Variants in PROM2 observed in about 807,000 individuals in gnomAD.
The protein encoded by PROM2 is prominin-2.
Under a neutral mutation model 110.2 loss-of-function variants are expected in PROM2, and 90 were observed. The observed-to-expected ratio is 0.82, with a 90% CI of 0.69 to 0.97. The LOEUF (loss-of-function observed/expected upper bound fraction) is 0.97. PROM2 is among the 50% of genes least tolerant of loss of function. The pLI is 0.00. For missense variants in PROM2, 1,009 were observed against 1,074.8 expected (o/e 0.94, Z 0.86); for synonymous variants, 470 against 467.8 (o/e 1.00, Z -0.06).
intron 22 of PROM2, 54 bp downstream of exon 22, chr2:95,288,643 C>A (rs1054279958): frequency 1.3e-6 from 2 of 1,487,154 alleles, no homozygotes; most frequent in African/African-American, 1.4e-5. Context: ...GGTGTCCTTT[C>A]AGCCGCCAGG....
chr2:95,281,394 C>T (rs1403593338), intron 12 of PROM2, 29 bp downstream of exon 12: 9 of 1,356,688 alleles, frequency 6.6e-6, no homozygotes, highest in East Asian at 4.2e-5. Context: ...ACAGGCCCTC[C>T]TGGGGAGAGA....
intron 10 of PROM2, 61 bp from the exon 11 acceptor site, chr2:95,279,784 C>A: frequency 7.4e-7 from 1 of 1,348,900 alleles, no homozygotes; most frequent in Non-Finnish European, 9.6e-7. Context: ...CGTCCCGCAC[C>A]TGTCCATGTT....
At chr2:95,288,011 G>A (rs1167364695) in intron 20 of PROM2, among the ~76,000 whole-genome samples, 200 bp from the exon 21 acceptor site, 3 of 152,176 alleles carry the variant, frequency 2.0e-5, no homozygotes, top group Non-Finnish European at 4.4e-5. Flanking sequence ...GAAAGGGGAG[G>A]GGCCCAGCGA....
Position 95,290,370 on chromosome 2 carries a change from A to G in PROM2, c.*1157A>G, listed in dbSNP as rs1321044735. Reference sequence around the variant, plus strand: ...GGTTTCCTAGGCTGGGACCCTGTACATAGTTGGTGTTTAATGAGTGTTTAT... The same window carrying G: ...GGTTTCCTAGGCTGGGACCCTGTACGTAGTTGGTGTTTAATGAGTGTTTAT... On this transcript the variant is annotated 3_prime_UTR_variant, in exon 24 of 24. Coordinates refer to ENST00000317620, the MANE Select transcript of PROM2 (RefSeq NM_001165978.3). The G allele has an allele frequency of 6.6e-6, 1 of 152,180 alleles. No homozygotes were observed. The highest frequency in any genetic ancestry group is 1.5e-5 in the Non-Finnish European group (1 of 68,042). The allele number at this position is 152,180 out of a possible 1,614,324, so 9.4% of individuals were successfully genotyped here. A position where few individuals can be genotyped will look rare whatever the true frequency, so the allele number is the denominator to read the frequency against.
chr2:95,276,325 G>A lies in PROM2; in HGVS notation c.596G>A (p.Gly199Asp). ...AMPETLLSLW[G>D]LVSDVPQELQ... ...CCTGAGACCCTGCTCAGCCTCTGGG[G>A]CCTGGTCTCTGATGTCCCCCAAGTG... Residue 199 changes from glycine to aspartate, a missense_variant, in exon 4 of 24, where the codon GGC becomes GAC. Transcript: ENST00000317620. The surrounding 1 kb of genome is among the most constrained non-coding windows in gnomAD (Gnocchi z 4.6). The A allele has an allele frequency of 1.9e-6, 3 of 1,613,702 alleles. No individual in the cohort carries two copies. The highest frequency in any genetic ancestry group is 2.5e-6 in the Non-Finnish European group (3 of 1,180,028).
At position 95,276,186 on chromosome 2, in the gene PROM2, C is replaced by G; in HGVS notation, c.498-41C>G. The G allele has an allele frequency of 6.2e-7, 1 of 1,613,444 alleles. No homozygotes were observed. The highest frequency in any genetic ancestry group is 2.2e-5 in the East Asian group (1 of 44,876). Reference sequence around the variant, plus strand: ...GCGGGCTGTGGCCCCCAGGCTCCCTCTTACCCAGCAAGCACCTTCCTCCTC... The same window carrying G: ...GCGGGCTGTGGCCCCCAGGCTCCCTGTTACCCAGCAAGCACCTTCCTCCTC... On this transcript the variant is annotated intron_variant, in intron 3 of 23. Coordinates refer to ENST00000317620, the MANE Select transcript of PROM2 (RefSeq NM_001165978.3). This position sits in a 1 kb window ranked among gnomAD's most constrained non-coding sequence, Gnocchi z 4.6.
At position 95,279,804 on chromosome 2, in the gene PROM2, C is replaced by G; in HGVS notation, c.1275-41C>G. 4.4e-6 allele frequency: 6 copies of G among 1,378,216 alleles called. No individual in the cohort carries two copies. In the South Asian group the frequency reaches 1.2e-4, roughly 28 times the overall value. The allele number at this position is 1,378,216 out of a possible 1,614,324, so 85.4% of individuals were successfully genotyped here. A position where few individuals can be genotyped will look rare whatever the true frequency, so the allele number is the denominator to read the frequency against. On this transcript the variant is annotated intron_variant, in intron 10 of 23. Coordinates refer to ENST00000317620, the MANE Select transcript of PROM2 (RefSeq NM_001165978.3). ...CGCACCTGTCCATGTTGGTGCCAGC[C>G]ACCTCCTTTCTTAGTGACACCCATG... is the stretch of plus-strand genomic sequence containing the variant.
intron 14 of PROM2, 112 bp from the exon 15 acceptor site, chr2:95,284,857 G>T: frequency 8.2e-7 from 1 of 1,221,820 alleles, no homozygotes; most frequent in Non-Finnish European, 1.1e-6. Flanking sequence ...GAAATTTGGA[G>T]GGGACAAATA....
intron 11 of PROM2, 114 bp downstream of exon 11, chr2:95,280,111 A>G: frequency 9.2e-7 from 1 of 1,087,350 alleles, no homozygotes; most frequent in South Asian, 3.1e-5. Flanking sequence ...TCATCTGAAT[A>G]AAGGGGTTGA....
In PROM2 at chr2:95,276,307, C is replaced by A. The variant is rs369779960; in HGVS notation, c.578C>A (p.Thr193Asn). 34 of 1,613,688 alleles carry A rather than the reference C, an allele frequency of 2.1e-5. No homozygotes were observed. Among genetic ancestry groups the A allele is most frequent in the Non-Finnish European group, 2.5e-5 (30 of 1,180,046 alleles). ...CCCAGCATCGAGGCCATGCCTGAGA[C>A]CCTGCTCAGCCTCTGGGGCCTGGTC... ...MGPSIEAMPE[T>N]LLSLWGLVSD... Residue 193 changes from threonine (T) to asparagine (N), a missense_variant, in exon 4 of 24, where the codon ACC becomes AAC. Transcript: ENST00000317620. The surrounding 1 kb of genome is among the most constrained non-coding windows in gnomAD (Gnocchi z 4.6).
chr2:95,286,492 T>C lies in PROM2; in HGVS notation c.1961T>C (p.Leu654Pro). The change falls in exon 17 of 24, where the codon CTG (leucine) becomes CCG (proline). Residue 654 changes from leucine to proline, a missense_variant. Leu to Pro is a moderately conservative substitution (Grantham distance 98). Coordinates refer to ENST00000317620, the MANE Select transcript of PROM2 (RefSeq NM_001165978.3). The part of the protein sequence containing the change: ...GLAQAQDNSV[L>P]GQRLQEEAQG... ...GTATCCTTTCAGGACAATTCTGTGCTGGGGCAGCGGCTGCAGGAGGAGGCC... is the reference window on the plus strand; with the variant it reads ...GTATCCTTTCAGGACAATTCTGTGCCGGGGCAGCGGCTGCAGGAGGAGGCC... 1 of 1,613,750 alleles carries C rather than the reference T, an allele frequency of 6.2e-7. No individual in the cohort carries two copies. Among genetic ancestry groups the C allele is most frequent in the South Asian group, 1.1e-5 (1 of 91,046 alleles).
chr2:95,288,811 G>C (rs1677535402), intron 22 of PROM2, 122 bp from the exon 23 acceptor site: 2 of 1,048,280 alleles, frequency 1.9e-6, no homozygotes, highest in Admixed American at 1.8e-5. Flanking sequence ...AGCTTCGTGG[G>C]ACCCTTCCCA....
rs139979000 is a variant in PROM2, at chr2:95,278,143, C to T, written c.1050+139C>T. The T allele has an allele frequency of 5.9e-3, 3,971 of 678,590 alleles. 20 individuals are homozygous for T. The highest frequency in any genetic ancestry group is 0.018 in the Middle Eastern group (73 of 4,158). The allele number at this position is 678,590 out of a possible 1,614,324, so 42.0% of individuals were successfully genotyped here. ...CACAGCACCCTGGGCAGGGGACTCC[C>T]GACGACCATCCTTGGTGTGCACACA... On this transcript the variant is annotated intron_variant, in intron 8 of 23. Coordinates refer to ENST00000317620, the MANE Select transcript of PROM2 (RefSeq NM_001165978.3).
chr2:95,281,247 T>G lies in PROM2; in HGVS notation c.1433T>G (p.Val478Gly), dbSNP rs1320067234. The G allele has an allele frequency of 4.3e-6, 7 of 1,612,426 alleles. No individual in the cohort carries two copies. The East Asian group carries it at 1.3e-4, about 31-fold the overall frequency. Residue 478 changes from valine to glycine, a missense_variant, in exon 12 of 24, where the codon GTG becomes GGG. Transcript: ENST00000317620. The stretch of plus-strand genomic sequence containing the variant: ...CTGCCTCTCGCCTACCCCAGAGGTG[T>G]GGGCCTCAGCTTCCTCTTTGCTGCA... ...EAGARFLMAG[V>G]GLSFLFAAPL...
In PROM2 at chr2:95,276,487, C is replaced by A. The variant is rs1676671105; in HGVS notation, c.619-107C>A. The A allele has an allele frequency of 2.5e-6, 4 of 1,593,034 alleles. No individual in the cohort carries two copies. Among genetic ancestry groups the A allele is most frequent in the Non-Finnish European group, 3.4e-6 (4 of 1,163,490 alleles). On this transcript the variant is annotated intron_variant, in intron 4 of 23. Coordinates refer to ENST00000317620, the MANE Select transcript of PROM2 (RefSeq NM_001165978.3). The surrounding 1 kb of genome is among the most constrained non-coding windows in gnomAD (Gnocchi z 4.6). ...CTCCCGCCCTTGCCTGAGAGTCGAC[C>A]ACCCTCAGGGTGGATGCCATAGGGG...
At chr2:95,280,424 C>A (rs1318074973) in intron 11 of PROM2, among the ~76,000 whole-genome samples, 1 of 152,234 alleles carries the variant, frequency 6.6e-6, no homozygotes, top group South Asian at 2.1e-4. Flanking sequence ...CTTTCCAAGC[C>A]TCACAGCCTG....
chr2:95,278,628 G>A, intron 8 of PROM2, 93 bp from the exon 9 acceptor site: 1 of 1,421,606 alleles, frequency 7.0e-7, no homozygotes, highest in Non-Finnish European at 9.9e-7. Flanking sequence ...AGCACTGAGG[G>A]GGGCCCTCCC....
Position 95,288,187 on chromosome 2 carries a change from A to G in PROM2, c.2245-24A>G, listed in dbSNP as rs187136940. On this transcript the variant is annotated intron_variant, in intron 20 of 23. Coordinates refer to ENST00000317620, the MANE Select transcript of PROM2 (RefSeq NM_001165978.3). ...CTGTGGGTCCAGGTGTCTCTGCATC[A>G]CCTGCCTCATGTTGGCGCCACAGGT... 6.2e-4 allele frequency: 999 copies of G among 1,611,272 alleles called. 1 individual carries two copies. The highest frequency in any genetic ancestry group is 6.8e-4 in the Non-Finnish European group (804 of 1,179,540).
chr2:95,277,270 G>C, intron 6 of PROM2, 94 bp from the exon 7 acceptor site: 2 of 1,367,736 alleles, frequency 1.5e-6, no homozygotes, highest in Non-Finnish European at 2.0e-6. Flanking sequence ...TGATTTGCAG[G>C]TCCCTTTGGC....
Sources: allele counts gnomAD v4.1 joint callset (sites outside exome capture counted in the v4.1 genomes callset), GRCh38; gene constraint gnomAD v4.1.1; non-coding constraint Gnocchi (gnomAD v3.1); transcripts MANE v1.5; gene names NCBI Gene and HGNC (gene_info 2026-07-23, HGNC 2026-07-21).